IFT74: variants seen among roughly 807,000 people sequenced by gnomAD.
IFT74 encodes intraflagellar transport protein 74 homolog.
A neutral mutation model predicts 96.7 loss-of-function variants in IFT74; 92 were observed. The observed-to-expected ratio is 0.95, with a 90% CI of 0.80 to 1.13. IFT74 has a LOEUF of 1.13. Ranked by LOEUF, IFT74 falls within the 50% of genes most tolerant of loss-of-function variation. IFT74 has a pLI of 0.00. For synonymous variants in IFT74, 223 were observed against 213.2 expected, an observed-to-expected ratio of 1.05 and a Z score of -0.40; for missense variants, 811 against 698.2, an observed-to-expected ratio of 1.16 and a Z score of -1.82.
chr9:26,968,920 A>G (rs1327773217), intron 2 of IFT74, among the ~76,000 whole-genome samples: 1 of 151,352 alleles, frequency 6.6e-6, no homozygotes, highest in Non-Finnish European at 1.5e-5. Flanking sequence ...ATTTATTTCT[A>G]CTGTGATCTT....
intron 10 of IFT74, among the ~76,000 whole-genome samples, chr9:27,014,963 T>G (rs566335259): frequency 6.6e-6 from 1 of 152,240 alleles, no homozygotes; most frequent in Middle Eastern, 3.2e-3. Context: ...ACCTGTCAGA[T>G]AGTGGTCAAT....
At chr9:26,947,675 T>C (rs1825789300) in intron 1 of IFT74, among the ~76,000 whole-genome samples, 1 of 152,242 alleles carries the variant, frequency 6.6e-6, no homozygotes, top group African/African-American at 2.4e-5. Context: ...AACCTTGTTT[T>C]TCAATTAAAA....
intron 13 of IFT74, among the ~76,000 whole-genome samples, chr9:27,035,341 C>T (rs1454336100): frequency 1.3e-5 from 2 of 152,238 alleles, no homozygotes; most frequent in Non-Finnish European, 2.9e-5. Flanking sequence ...CTATCCATTA[C>T]TATTCTGTGG....
chr9:26,980,624 G>A lies in IFT74; in HGVS notation c.305+5G>A. On this transcript the variant is annotated splice_donor_5th_base_variant and intron_variant, in intron 4 of 19. Transcript: ENST00000380062. ...TTACTATCTTGGGCTTCTTAGGTAT[G>A]TTAAACATATCTTTTCATCCGTATG... 1 of 1,571,990 alleles carries A rather than the reference G, an allele frequency of 6.4e-7. No individual in the cohort carries two copies. Among genetic ancestry groups the A allele is most frequent in the South Asian group, 1.1e-5 (1 of 89,572 alleles).
Position 27,048,284 on chromosome 9 carries a change from C to A in IFT74, c.1333+10C>A. ...CAGAATTTGACTTCAGGTGAGAAAA[C>A]AACCTAGATTTTAATATTCTTTTTT... On this transcript the variant is annotated intron_variant, in intron 16 of 19. Coordinates refer to ENST00000380062, the MANE Select transcript of IFT74 (RefSeq NM_025103.4). 1 of 1,553,376 alleles carries A rather than the reference C, an allele frequency of 6.4e-7. No homozygotes were observed. Among genetic ancestry groups the A allele is most frequent in the Non-Finnish European group, 8.7e-7 (1 of 1,148,220 alleles).
intron 2 of IFT74, among the ~76,000 whole-genome samples, chr9:26,973,324 G>T (rs1014239048): frequency 2.0e-5 from 3 of 152,078 alleles, no homozygotes; most frequent in African/African-American, 7.2e-5. Flanking sequence ...GGTATTATAG[G>T]GAGACATACA....
chr9:26,947,423 C>G (rs1315048368), intron 1 of IFT74: 1 of 196,754 alleles, frequency 5.1e-6, no homozygotes, highest in Non-Finnish European at 1.0e-5. Context: ...GGGTCCTTCC[C>G]AAACCCGGGT....
chr9:26,997,818 C>G, intron 8 of IFT74: 5 of 1,614,110 alleles, frequency 3.1e-6, no homozygotes, highest in South Asian at 1.1e-5. Flanking sequence ...GTTATTAATT[C>G]CAGATGAAAT....
chr9:26,957,975 C>T (rs2131468874), intron 1 of IFT74, among the ~76,000 whole-genome samples: 1 of 152,132 alleles, frequency 6.6e-6, no homozygotes, highest in South Asian at 2.1e-4. Context: ...GGATGGTCTC[C>T]ATCTCCTGAT....
intron 6 of IFT74, among the ~76,000 whole-genome samples, chr9:26,985,188 C>T (rs1188351986): frequency 6.6e-6 from 1 of 152,140 alleles, no homozygotes; most frequent in Non-Finnish European, 1.5e-5. Context: ...TTATCCTTAG[C>T]AAACTAACAC....
chr9:27,049,111 G>T lies in IFT74; in HGVS notation c.1333+837G>T, dbSNP rs139230859. Among the ~76,000 whole-genome samples the T allele has an allele frequency of 4.5e-3, 688 of 152,182 alleles. 9 individuals carry two copies. The highest frequency in any genetic ancestry group is 0.015 in the African/African-American group (638 of 41,500). On this transcript the variant is annotated intron_variant, in intron 16 of 19. Coordinates refer to ENST00000380062, the MANE Select transcript of IFT74 (RefSeq NM_025103.4). ...CCTTGTAACATGCAGGCTCCCCTTT[G>T]CCTTCTGTCATGATTGTAAGCTTCC... is the stretch of plus-strand genomic sequence containing the variant.
chr9:26,982,451 A>ATTTTTTTTTTT (rs56756518), intron 4 of IFT74: 23 of 215,750 alleles, frequency 1.1e-4, no homozygotes, highest in South Asian at 1.9e-4. Context: ...TAATTTTTGT[A>ATTTTTTTTTTT]TTTTTTTTTT....
At position 27,044,754 on chromosome 9, in the gene IFT74, A is replaced by G. The variant is rs757817332; in HGVS notation, c.1067A>G (p.Gln356Arg). The change falls in exon 14 of 20, where the codon CAG becomes CGG. Residue 356 changes from glutamine (Q) to arginine (R), a missense_variant. Transcript: ENST00000380062. ...DLEEHQGEMN[Q>R]KYKELKKREE... The stretch of plus-strand genomic sequence containing the variant: ...ATATCTCTCATAGGTGAAATGAACC[A>G]GAAATACAAGGAGCTAAAGAAAAGG... The G allele has an allele frequency of 3.2e-6, 5 of 1,569,772 alleles. No homozygotes were observed. Among genetic ancestry groups the G allele is most frequent in the Middle Eastern group, 1.7e-4 (1 of 5,936 alleles).
chr9:27,010,116 T>C (rs1261843894), intron 9 of IFT74, among the ~76,000 whole-genome samples: 1 of 151,758 alleles, frequency 6.6e-6, no homozygotes, highest in Non-Finnish European at 1.5e-5. Context: ...GCCTCCCAAG[T>C]AGTTGGCACT....
intron 2 of IFT74, among the ~76,000 whole-genome samples, chr9:26,963,025 G>C (rs1004234116): frequency 1.3e-5 from 2 of 149,682 alleles, no homozygotes; most frequent in Non-Finnish European, 3.0e-5. Context: ...AGTTACATAT[G>C]TATACATGTG....
intron 2 of IFT74, among the ~76,000 whole-genome samples, chr9:26,962,741 G>A (rs1412320740): frequency 1.3e-5 from 2 of 151,992 alleles, no homozygotes; most frequent in African/African-American, 4.8e-5. Flanking sequence ...AACTTGATAT[G>A]GGCTAGGCTT....
In IFT74 at chr9:27,057,706, A is replaced by T. The variant is rs1820229101; in HGVS notation, c.1623+1247A>T. On this transcript the variant is annotated intron_variant, in intron 18 of 19. Coordinates refer to ENST00000380062, the MANE Select transcript of IFT74 (RefSeq NM_025103.4). ...ACCCCGTCTCTACTAAAAATACAAA[A>T]AATTAGCCAGGAGTGGTGGCGGGTG... 2.0e-5 allele frequency among the ~76,000 whole-genome samples: 3 copies of T among 152,040 alleles called. No individual in the cohort carries two copies. In the South Asian group the frequency reaches 6.2e-4, roughly 32 times the overall value.
chr9:26,982,391 C>T (rs1281986920), intron 4 of IFT74: 3 of 440,014 alleles, frequency 6.8e-6, no homozygotes, highest in South Asian at 1.6e-5. Flanking sequence ...AGCCTCGTGC[C>T]TGTAATCTGC....
chr9:26,965,545 C>T (rs960736798), intron 2 of IFT74, among the ~76,000 whole-genome samples: 17 of 151,876 alleles, frequency 1.1e-4, no homozygotes, highest in African/African-American at 4.1e-4. Flanking sequence ...TCTTTTATTC[C>T]AGTAAAAATT....
Sources: allele counts gnomAD v4.1 joint callset (sites outside exome capture counted in the v4.1 genomes callset), GRCh38; gene constraint gnomAD v4.1.1; transcripts MANE v1.5; gene names NCBI Gene and HGNC (gene_info 2026-07-23, HGNC 2026-07-21).